The following KLRG1 variants were observed in gnomAD, a reference collection of about 807,000 sequenced individuals.
KLRG1 encodes the protein killer cell lectin-like receptor subfamily G member 1.
In KLRG1, 16 loss-of-function variants were observed where a neutral mutation model predicts 21.8. The observed-to-expected ratio is 0.73, with a 90% CI of 0.50 to 1.11. KLRG1 has a LOEUF of 1.11. Among genes scored for constraint, KLRG1 ranks in the 50% most tolerant of loss-of-function variants. The pLI, the probability that KLRG1 is intolerant of heterozygous loss-of-function variation, is 0.00. For missense variants in KLRG1, 173 were observed against 218.3 expected (o/e 0.79, Z 1.31); for synonymous variants, 69 against 75.9 (o/e 0.91, Z 0.47).
the KLRG1 span, among the ~76,000 whole-genome samples, chr12:9,150,978 T>A: frequency 6.6e-6 from 1 of 152,200 alleles, no homozygotes; most frequent in Non-Finnish European, 1.5e-5. Flanking sequence ...TCTTTTGTAG[T>A]CCCTTGTTAT....
chr12:9,172,553 G>T, the KLRG1 span, among the ~76,000 whole-genome samples: 1 of 152,130 alleles, frequency 6.6e-6, no homozygotes. Flanking sequence ...TGAATAAAGA[G>T]CCAAGACCCA....
At chr12:8,984,848 T>C (rs1036006822), upstream of KLRG1, among the ~76,000 whole-genome samples, 2 of 152,242 alleles carry the variant, frequency 1.3e-5, no homozygotes, top group African/African-American at 4.8e-5. Context: ...ATATTAAATG[T>C]GATGCATTAT....
chr12:9,031,465 G>A, the KLRG1 span, among the ~76,000 whole-genome samples: 22 of 152,152 alleles, frequency 1.4e-4, no homozygotes, highest in Admixed American at 1.1e-3. Flanking sequence ...GGACTTCAAC[G>A]GGCCGCTGCT....
chr12:9,055,292 C>T, the KLRG1 span, among the ~76,000 whole-genome samples: 1 of 152,156 alleles, frequency 6.6e-6, no homozygotes, highest in Non-Finnish European at 1.5e-5. Flanking sequence ...TAAAATAAAC[C>T]ATTTCTTCTG....
the KLRG1 span, chr12:9,203,750 T>C: frequency 6.2e-7 from 1 of 1,613,496 alleles, no homozygotes; most frequent in Admixed American, 1.7e-5. Context: ...GATAGCCAGC[T>C]GGCACCGTAG....
chr12:9,197,274 C>A, the KLRG1 span: 1 of 552,980 alleles, frequency 1.8e-6, no homozygotes, highest in Non-Finnish European at 3.2e-6. Flanking sequence ...AAATGTCTCC[C>A]TCAAAAATAT....
chr12:9,101,143 C>T, the KLRG1 span: 1 of 1,558,826 alleles, frequency 6.4e-7, no homozygotes. Flanking sequence ...GAAATACTCA[C>T]TGTCTTCCTG....
At chr12:9,075,981 A>T in the KLRG1 span, among the ~76,000 whole-genome samples, 1 of 152,326 alleles carries the variant, frequency 6.6e-6, no homozygotes, top group East Asian at 1.9e-4. Flanking sequence ...AAAAAGGTAG[A>T]CTGTTTTAAT....
intron 2 of KLRG1, among the ~76,000 whole-genome samples, chr12:8,994,404 T>C (rs1947068627): frequency 6.6e-6 from 1 of 152,190 alleles, no homozygotes; most frequent in Non-Finnish European, 1.5e-5. Flanking sequence ...AACCAACCAT[T>C]TTAAAGGAAT....
At chr12:8,992,128 C>T (rs764439397) in intron 1 of KLRG1, 78 bp from the exon 2 acceptor site, 28 of 1,228,326 alleles carry the variant, frequency 2.3e-5, no homozygotes, top group Middle Eastern at 3.9e-4. Context: ...CTTTAAGATG[C>T]GATATCCTTC....
chr12:9,089,365 T>C, the KLRG1 span: 2 of 785,132 alleles, frequency 2.5e-6, no homozygotes, highest in South Asian at 3.1e-5. Flanking sequence ...AACTGTATTA[T>C]CTAAGAAAAT....
chr12:9,175,842 C>CT, the KLRG1 span, among the ~76,000 whole-genome samples: 2 of 128,408 alleles, frequency 1.6e-5, no homozygotes, highest in East Asian at 2.1e-4. Flanking sequence ...AAAAGGAATG[C>CT]TTTTTTTACT....
At chr12:9,206,366 A>C in the KLRG1 span, among the ~76,000 whole-genome samples, 1 of 152,120 alleles carries the variant, frequency 6.6e-6, no homozygotes, top group Non-Finnish European at 1.5e-5. Context: ...ATTTTATATG[A>C]GTTCAGTTAA....
intron 1 of KLRG1, among the ~76,000 whole-genome samples, chr12:8,972,533 A>G (rs918224162): frequency 2.6e-5 from 4 of 152,186 alleles, no homozygotes; most frequent in African/African-American, 7.2e-5. Context: ...GCATGTAGAT[A>G]TCTGGTTTTC....
the KLRG1 span, chr12:9,165,334 G>A: frequency 1.2e-6 from 2 of 1,614,096 alleles, no homozygotes. Flanking sequence ...TGGTGTCAGG[G>A]ACTGTTACTC....
chr12:8,988,403 G>A (rs1946880955), upstream of KLRG1: 1 of 152,150 alleles, frequency 6.6e-6, no homozygotes, highest in South Asian at 2.1e-4. Context: ...TTTGATTGGA[G>A]AGTAAGTCTA....
the KLRG1 span, among the ~76,000 whole-genome samples, chr12:9,172,117 A>G: frequency 6.6e-6 from 1 of 152,212 alleles, no homozygotes; most frequent in African/African-American, 2.4e-5. Flanking sequence ...CTACAAAAGG[A>G]AACATATCAT....
chr12:9,150,583 T>G, the KLRG1 span: 4 of 1,118,814 alleles, frequency 3.6e-6, no homozygotes, highest in Non-Finnish European at 5.3e-6. Context: ...GAGGATCAAC[T>G]GTCACAACAG....
intron 3 of KLRG1, 141 bp downstream of exon 3, chr12:8,995,429 C>T (rs994915272): frequency 8.5e-6 from 6 of 703,178 alleles, no homozygotes; most frequent in Admixed American, 3.0e-5. Context: ...TATTCTTCCC[C>T]TTCCCTCTTC....
Sources: gnomAD v4.1 joint callset for allele counts (sites outside exome capture counted in the v4.1 genomes callset) on GRCh38, gnomAD v4.1.1 for gene constraint, MANE v1.5 for transcripts, NCBI Gene and HGNC (gene_info 2026-07-23, HGNC 2026-07-21) for gene names.